The following CPNE4 variants were observed in gnomAD, a reference collection of about 807,000 sequenced individuals.
The protein encoded by CPNE4 is copine 4.
In CPNE4, 25 loss-of-function variants were observed where a neutral mutation model predicts 67.9. The ratio of observed to expected loss-of-function variants is 0.37; its 90% CI spans 0.27 to 0.51. CPNE4 has a LOEUF of 0.51. Among genes scored for constraint, CPNE4 ranks in the 20% least tolerant of loss-of-function variants. CPNE4 has a pLI of 0.93. For missense variants in CPNE4, 464 were observed against 690.8 expected, an observed-to-expected ratio of 0.67 and a Z score of 3.68; for synonymous variants, 242 against 244.9, an observed-to-expected ratio of 0.99 and a Z score of 0.11.
At chr3:131,845,607 G>A (rs779489863) in intron 2 of CPNE4, among the ~76,000 whole-genome samples, 2 of 152,104 alleles carry the variant, frequency 1.3e-5, no homozygotes, top group South Asian at 2.1e-4. Flanking sequence ...ATAGAATGTG[G>A]CCCAAGGCAG....
chr3:131,792,708 C>CGTATACATATATACACACGT (rs2083792419), intron 2 of CPNE4, among the ~76,000 whole-genome samples: 1 of 67,224 alleles, frequency 1.5e-5, no homozygotes, highest in African/African-American at 5.9e-5. Context: ...TATACACACA[C>CGTATACATATATACACACGT]GTGTATATAT....
At chr3:131,657,978 G>A (rs2080022527) in intron 7 of CPNE4, among the ~76,000 whole-genome samples, 1 of 152,144 alleles carries the variant, frequency 6.6e-6, no homozygotes, top group Admixed American at 6.5e-5. Context: ...GACTCCTCAT[G>A]TGCCCTTGCC....
intron 11 of CPNE4, 31 bp from the exon 12 acceptor site, chr3:131,555,582 A>G: frequency 6.3e-7 from 1 of 1,591,888 alleles, no homozygotes; most frequent in East Asian, 2.2e-5. Context: ...AGAAAAAACA[A>G]GAAGTTGCTT....
chr3:131,807,978 C>G (rs1055986712), intron 2 of CPNE4, among the ~76,000 whole-genome samples: 20 of 152,130 alleles, frequency 1.3e-4, no homozygotes, highest in Non-Finnish European at 2.9e-5. Context: ...GAAAAACTCT[C>G]TGGCATGAAG....
At chr3:131,879,456 G>A (rs777176588) in intron 2 of CPNE4, among the ~76,000 whole-genome samples, 1 of 152,066 alleles carries the variant, frequency 6.6e-6, no homozygotes, top group Non-Finnish European at 1.5e-5. Flanking sequence ...TGGCACATAA[G>A]CAATCTAATT....
At chr3:131,590,892 G>C (rs187356537) in intron 7 of CPNE4, among the ~76,000 whole-genome samples, 1 of 152,318 alleles carries the variant, frequency 6.6e-6, no homozygotes, top group Admixed American at 6.5e-5. Flanking sequence ...ATGCAATGTA[G>C]CTTTGACAGG....
At chr3:131,905,164 T>C in intron 2 of CPNE4, 100 bp downstream of exon 2, 1 of 1,046,114 alleles carries the variant, frequency 9.6e-7, no homozygotes, top group Non-Finnish European at 1.4e-6. Context: ...CTCAAATTTC[T>C]TATTTCATCA....
chr3:131,832,666 A>G lies in CPNE4; in HGVS notation c.180+72598T>C, dbSNP rs947896475. Reference sequence around the variant, plus strand: ...TCCCACTATTGTATTTTGGAAGCACATACCTTGTTGGATTTCACAGATTCA... The same window carrying G: ...TCCCACTATTGTATTTTGGAAGCACGTACCTTGTTGGATTTCACAGATTCA... On this transcript the variant is annotated intron_variant, in intron 2 of 15. Coordinates refer to ENST00000429747, the MANE Select transcript of CPNE4 (RefSeq NM_130808.3). Among the ~76,000 whole-genome samples, 48 of 152,326 alleles carry G rather than the reference A, an allele frequency of 3.2e-4. 1 individual carries two copies. Among genetic ancestry groups the G allele is most frequent in the African/African-American group, 1.1e-3 (47 of 41,576 alleles).
chr3:131,868,302 A>G (rs1364027774), intron 2 of CPNE4, among the ~76,000 whole-genome samples: 2 of 152,178 alleles, frequency 1.3e-5, no homozygotes, highest in Admixed American at 1.3e-4. Flanking sequence ...GCACCGTTAC[A>G]ATTTTCAGAA....
chr3:131,762,731 A>G (rs997904414), intron 2 of CPNE4, among the ~76,000 whole-genome samples: 4 of 152,130 alleles, frequency 2.6e-5, no homozygotes, highest in Non-Finnish European at 2.9e-5. Flanking sequence ...TGCTTTCTGC[A>G]GGAAGCCTGG....
intron 1 of CPNE4, among the ~76,000 whole-genome samples, chr3:131,999,344 G>T (rs1044693908): frequency 2.1e-4 from 32 of 149,946 alleles, no homozygotes; most frequent in Non-Finnish European, 4.1e-4. Flanking sequence ...CAAACTAACT[G>T]GGGATCATCC....
At chr3:131,643,427 T>A (rs935677681) in intron 7 of CPNE4, among the ~76,000 whole-genome samples, 4 of 152,232 alleles carry the variant, frequency 2.6e-5, no homozygotes, top group Non-Finnish European at 4.4e-5. Flanking sequence ...ATTTACCCAA[T>A]GCCTGTACCC....
At position 131,721,686 on chromosome 3, in the gene CPNE4, C is replaced by T. The variant is rs145589418; in HGVS notation, c.360+1760G>A. On this transcript the variant is annotated intron_variant, in intron 3 of 15. Transcript: ENST00000429747. Reference sequence around the variant, plus strand: ...CTAGGATTACTGGTGTGAGCCACCGCGCCTGGCCGGATCTACCTTTATTTC... The same window carrying T: ...CTAGGATTACTGGTGTGAGCCACCGTGCCTGGCCGGATCTACCTTTATTTC... 1.4e-4 allele frequency among the ~76,000 whole-genome samples: 21 copies of T among 152,196 alleles called. No homozygotes were observed. The East Asian group carries it at 2.7e-3, about 20-fold the overall frequency.
rs147301790 is a variant in CPNE4, at chr3:131,842,770, C to T, written c.180+62494G>A. On this transcript the variant is annotated intron_variant, in intron 2 of 15. Coordinates refer to ENST00000429747, the MANE Select transcript of CPNE4 (RefSeq NM_130808.3). The stretch of plus-strand genomic sequence containing the variant: ...AAAAAGAAAAAGCCATATCTCTTCA[C>T]ATCTGAAGTGCTGAATTGTAAATAA... Among the ~76,000 whole-genome samples, 462 of 149,092 alleles carry T rather than the reference C, an allele frequency of 3.1e-3. 1 individual carries two copies. Among genetic ancestry groups the T allele is most frequent in the African/African-American group, 0.011 (438 of 40,640 alleles).
At chr3:131,713,442 G>A (rs762342997) in intron 3 of CPNE4, among the ~76,000 whole-genome samples, 1 of 152,108 alleles carries the variant, frequency 6.6e-6, no homozygotes, top group Non-Finnish European at 1.5e-5. Flanking sequence ...TAGTGGAAGG[G>A]GGAGAGAGTG....
chr3:131,947,223 T>C (rs57000099), intron 1 of CPNE4, among the ~76,000 whole-genome samples: 20,714 of 150,698 alleles, frequency 0.14, 1,464 homozygotes, highest in African/African-American at 0.17. Context: ...TGTTTTGTTT[T>C]CCCCTTTTTT....
intron 6 of CPNE4, among the ~76,000 whole-genome samples, chr3:131,671,936 T>C (rs2107658321): frequency 6.6e-6 from 1 of 152,268 alleles, no homozygotes; most frequent in South Asian, 2.1e-4. Context: ...TATTTTGTAC[T>C]CATTAACCAT....
At chr3:131,788,452 G>A (rs921926572) in intron 2 of CPNE4, among the ~76,000 whole-genome samples, 5 of 152,068 alleles carry the variant, frequency 3.3e-5, no homozygotes, top group East Asian at 1.9e-4. Context: ...TTTTAAAACC[G>A]AGGGGAAAGT....
At chr3:131,701,397 G>A (rs1177389051) in intron 3 of CPNE4, among the ~76,000 whole-genome samples, 12 of 152,214 alleles carry the variant, frequency 7.9e-5, no homozygotes, top group Admixed American at 7.2e-4. Flanking sequence ...CTCAAGTGTG[G>A]GATGGACCCA....
Sources: allele counts gnomAD v4.1 joint callset (sites outside exome capture counted in the v4.1 genomes callset), GRCh38; gene constraint gnomAD v4.1.1; transcripts MANE v1.5; gene names NCBI Gene and HGNC (gene_info 2026-07-23, HGNC 2026-07-21).